The following C2orf68 variants were observed in gnomAD, a reference collection of about 807,000 sequenced individuals.
C2orf68 encodes the protein UPF0561 protein C2orf68.
In C2orf68, 15 loss-of-function variants were observed where a neutral mutation model predicts 19.1. The observed-to-expected ratio is 0.79, with a 90% CI of 0.53 to 1.21. The LOEUF (loss-of-function observed/expected upper bound fraction) is 1.21, where lower values mean the gene tolerates loss of function less well. Among genes scored for constraint, C2orf68 ranks in the 50% most tolerant of loss-of-function variants. The pLI, the probability that C2orf68 is intolerant of heterozygous loss-of-function variation, is 0.00. For missense variants in C2orf68, 242 were observed against 226.6 expected (o/e 1.07, Z -0.44); for synonymous variants, 98 against 91.0 (o/e 1.08, Z -0.44).
intron 1 of C2orf68, 43 bp downstream of exon 1, chr2:85,611,835 A>C (rs1294259657): frequency 1.2e-6 from 2 of 1,603,648 alleles, no homozygotes; most frequent in Non-Finnish European, 1.7e-6. Context: ...GGGCCAGGCC[A>C]GGCCAGGAGT....
At chr2:85,611,375 G>A in intron 2 of C2orf68, 1 of 1,452,048 alleles carries the variant, frequency 6.9e-7, no homozygotes, top group East Asian at 2.5e-5. Flanking sequence ...CTTTCTCTTT[G>A]CTAGGTAGCG....
chr2:85,611,545 G>A lies in C2orf68; in HGVS notation c.226+123C>T, dbSNP rs1183633917. 3 of 1,550,960 alleles carry A rather than the reference G, an allele frequency of 1.9e-6. No homozygotes were observed. The South Asian group carries it at 3.6e-5, about 18-fold the overall frequency. Reference sequence around the variant, plus strand: ...GAGATTTGGGAGCGCTGAGGTGGAGGTTCCGGAAAGAGACGAGATGAGCTG... The same window carrying A: ...GAGATTTGGGAGCGCTGAGGTGGAGATTCCGGAAAGAGACGAGATGAGCTG... On this transcript the variant is annotated intron_variant, in intron 2 of 3. Coordinates refer to ENST00000306336, the MANE Select transcript of C2orf68 (RefSeq NM_001013649.4).
rs1673309662 is a variant in C2orf68, at chr2:85,608,700, TCA to T, written c.*243_*244del. On this transcript the variant is annotated 3_prime_UTR_variant, in exon 4 of 4. Transcript: ENST00000306336. ...AGAACACATTAGCCACACAAAATCC[TCA>T]AAAAAAAAAAAAAAAAAAAAAAAAA... 1 of 185,998 alleles carries T rather than the reference TCA, an allele frequency of 5.4e-6. No homozygotes were observed. The highest frequency in any genetic ancestry group is 1.3e-4 in the African/African-American group (1 of 7,424). The allele number at this position is 185,998 out of a possible 1,614,324, so 11.5% of individuals were successfully genotyped here.
rs1573377540 is a variant in C2orf68 at position 85,611,326 on chromosome 2, T to C, written c.226+342A>G. On this transcript the variant is annotated intron_variant, in intron 2 of 3. Coordinates refer to ENST00000306336, the MANE Select transcript of C2orf68 (RefSeq NM_001013649.4). ...GGGGAAAGGCCATTTACTGGGTTCA[T>C]TCCGCAATTATGTGCTGGTCGCTCA... 1.2e-5 allele frequency: 17 copies of C among 1,428,322 alleles called. No homozygotes were observed. The East Asian group carries it at 4.4e-4, about 37-fold the overall frequency. The allele number at this position is 1,428,322 out of a possible 1,614,324, so 88.5% of individuals were successfully genotyped here.
intron 3 of C2orf68, 53 bp from the exon 4 acceptor site, chr2:85,609,120 G>C (rs1248660617): frequency 1.2e-6 from 2 of 1,601,894 alleles, no homozygotes; most frequent in Admixed American, 3.4e-5. Flanking sequence ...CCAGAAAGGT[G>C]ACCTGCCCTG....
chr2:85,606,366 G>T lies in C2orf68; in HGVS notation c.*2579C>A, dbSNP rs748527734. Among the ~76,000 whole-genome samples, 2 of 152,232 alleles carry T rather than the reference G, an allele frequency of 1.3e-5. No individual in the cohort carries two copies. The highest frequency in any genetic ancestry group is 2.9e-5 in the Non-Finnish European group (2 of 68,042). On this transcript the variant is annotated 3_prime_UTR_variant, in exon 4 of 4. Coordinates refer to ENST00000306336, the MANE Select transcript of C2orf68 (RefSeq NM_001013649.4). The stretch of plus-strand genomic sequence containing the variant: ...TGATGGAAAACACTAATTTTTGAAA[G>T]AAGTAGATGTCTGGAGGCAGGTCTG...
chr2:85,606,845 G>C lies in C2orf68; in HGVS notation c.*2100C>G, dbSNP rs150454010. ...TGCCCAGCCTGAAGTGCAGTGGTGT[G>C]ATCTCGGCTCACTGCAACCTCCGCC... On this transcript the variant is annotated 3_prime_UTR_variant, in exon 4 of 4. Transcript: ENST00000306336. 1 of 145,808 alleles carries C rather than the reference G, an allele frequency of 6.9e-6. No individual in the cohort carries two copies. The highest frequency in any genetic ancestry group is 2.0e-4 in the East Asian group (1 of 4,956). 9.0% of individuals were successfully genotyped at this position (145,808 alleles called of 1,614,324 possible).
In C2orf68 at chr2:85,609,461, C is replaced by G. The variant is rs1673361734; in HGVS notation, c.352G>C (p.Glu118Gln). Residue 118 changes from glutamate (E) to glutamine (Q), a missense_variant, in exon 3 of 4, where the codon GAG becomes CAG. Physicochemically the swap from Glu to Gln is conservative, Grantham distance 29. Coordinates refer to ENST00000306336, the MANE Select transcript of C2orf68 (RefSeq NM_001013649.4). ...FCLEYEADSG[E>Q]VTSVIVYQGD... ...TGATAGACGATAACTGATGTGACCT[C>G]TCCACTGTCTGCCTCGTATTCTAAG... 6.2e-7 allele frequency: 1 copy of G among 1,614,132 alleles called. No homozygotes were observed. Among genetic ancestry groups the G allele is most frequent in the Non-Finnish European group, 8.5e-7 (1 of 1,180,060 alleles).
intron 1 of C2orf68, 24 bp from the exon 2 acceptor site, chr2:85,611,810 AG>A (rs1162134013): frequency 6.2e-7 from 1 of 1,609,264 alleles, no homozygotes; most frequent in Non-Finnish European, 8.5e-7. Context: ...AGCGGGAGTC[AG>A]GGACTGTCGG....
chr2:85,612,066 T>C lies in C2orf68; in HGVS notation c.-82A>G, dbSNP rs976005720. On this transcript the variant is annotated 5_prime_UTR_variant, in exon 1 of 4. Transcript: ENST00000306336. The stretch of plus-strand genomic sequence containing the variant: ...GCCCACAGAGCTCCGCGCCGCCCCT[T>C]GCTCAGCTTCCGGCCCCGCATCCTG... 1 of 1,131,392 alleles carries C rather than the reference T, an allele frequency of 8.8e-7. No individual in the cohort carries two copies. The highest frequency in any genetic ancestry group is 1.6e-5 in the South Asian group (1 of 61,534). 70.1% of individuals were successfully genotyped at this position (1,131,392 alleles called of 1,614,324 possible). A position where few individuals can be genotyped will look rare whatever the true frequency, so the allele number is the denominator to read the frequency against.
chr2:85,609,217 TC>T (rs1673346795), intron 3 of C2orf68, 150 bp from the exon 4 acceptor site: 1 of 1,292,640 alleles, frequency 7.7e-7, no homozygotes, highest in Non-Finnish European at 1.1e-6. Context: ...TAATAGTGAT[TC>T]TCCACTGGGG....
Position 85,609,539 on chromosome 2 carries a change from TTTCACCGGACTC to T in C2orf68, c.262_273del (p.Glu88_Glu91del), listed in dbSNP as rs1298365440. The stretch of plus-strand genomic sequence containing the variant: ...AGCTCAGAGCCTCCACTACTGCTGC[TTTCACCGGACTC>T]TTCATAGTCTGGGTTGCGTGGGTGG... On this transcript the variant is annotated inframe_deletion, in exon 3 of 4. Transcript: ENST00000306336. 3.1e-6 allele frequency: 5 copies of T among 1,614,060 alleles called. No homozygotes were observed. The highest frequency in any genetic ancestry group is 3.4e-6 in the Non-Finnish European group (4 of 1,180,024).
chr2:85,608,843 C>A lies in C2orf68; in HGVS notation c.*102G>T. 1 of 1,517,582 alleles carries A rather than the reference C, an allele frequency of 6.6e-7. No individual in the cohort carries two copies. The highest frequency in any genetic ancestry group is 1.3e-5 in the South Asian group (1 of 79,542). 94.0% of individuals were successfully genotyped at this position (1,517,582 alleles called of 1,614,324 possible). A position where few individuals can be genotyped will look rare whatever the true frequency, so the allele number is the denominator to read the frequency against. On this transcript the variant is annotated 3_prime_UTR_variant, in exon 4 of 4. Transcript: ENST00000306336. ...ATGGATGCAGCAGCTCTGGGGGTCT[C>A]AAGATCAGACAAACTGGTCCTGGTA... is the stretch of plus-strand genomic sequence containing the variant.
rs369719783 is a variant in C2orf68, at chr2:85,611,754, G to A, written c.140C>T (p.Ala47Val). ...DDYDKKVKQAAKEKVRRRHTP... is the reference protein window; with the variant it reads ...DDYDKKVKQAVKEKVRRRHTP... ...GTGCCGCCTCCTCACCTTCTCCTTG[G>A]CCGCCTGCTTCACCTTCTTGTCATA... Residue 47 changes from alanine (A) to valine (V), a missense_variant, in exon 2 of 4, where the codon GCC becomes GTC. Transcript: ENST00000306336. The A allele has an allele frequency of 9.1e-5, 146 of 1,611,810 alleles. No homozygotes were observed. Among genetic ancestry groups the A allele is most frequent in the Non-Finnish European group, 1.2e-4 (136 of 1,179,420 alleles).
rs920700473 is a variant in C2orf68, at chr2:85,611,191, G to A, written c.226+477C>T. On this transcript the variant is annotated intron_variant, in intron 2 of 3. Transcript: ENST00000306336. ...CCATTGCACTCCAGCCTGGGCGACA[G>A]AGACCTAGTCTCAAAAATAAAATAA... The A allele has an allele frequency of 7.3e-6, 8 of 1,100,388 alleles. No individual in the cohort carries two copies. The South Asian group carries it at 1.2e-4, about 17-fold the overall frequency. 68.2% of individuals were successfully genotyped at this position (1,100,388 alleles called of 1,614,324 possible). A position where few individuals can be genotyped will look rare whatever the true frequency, so the allele number is the denominator to read the frequency against.
intron 3 of C2orf68, 26 bp downstream of exon 3, chr2:85,609,409 G>A (rs1370045080): frequency 6.2e-7 from 1 of 1,610,998 alleles, no homozygotes; most frequent in Non-Finnish European, 8.5e-7. Flanking sequence ...GGACCTTCAG[G>A]CTGCAGCTGT....
At position 85,609,019 on chromosome 2, in the gene C2orf68, G is replaced by A; in HGVS notation, c.427C>T (p.Leu143=). 2 of 1,614,248 alleles carry A rather than the reference G, an allele frequency of 1.2e-6. No homozygotes were observed. Among genetic ancestry groups the A allele is most frequent in the Non-Finnish European group, 1.7e-6 (2 of 1,180,044 alleles). The change falls in exon 4 of 4, where the codon CTG becomes TTG. Residue 143 remains leucine, a synonymous_variant. Transcript: ENST00000306336. The stretch of plus-strand genomic sequence containing the variant: ...AGGGCTTCTCGCATGGGTGGATCCA[G>A]AGGCGTGTGTGCCGACACCTTCTCA... The part of the protein sequence containing the change: ...VSEKVSAHTP[L]DPPMREALKL...
At chr2:85,609,342 TG>T in intron 3 of C2orf68, 92 bp downstream of exon 3, 1 of 1,517,876 alleles carries the variant, frequency 6.6e-7, no homozygotes. Context: ...CGCTTCCCAT[TG>T]GGGGTCCTGA....
Position 85,608,817 on chromosome 2 carries a change from T to A in C2orf68, c.*128A>T. 8.2e-7 allele frequency: 1 copy of A among 1,223,574 alleles called. No individual in the cohort carries two copies. The highest frequency in any genetic ancestry group is 1.1e-6 in the Non-Finnish European group (1 of 885,622). The allele number at this position is 1,223,574 out of a possible 1,614,324, so 75.8% of individuals were successfully genotyped here. A position where few individuals can be genotyped will look rare whatever the true frequency, so the allele number is the denominator to read the frequency against. On this transcript the variant is annotated 3_prime_UTR_variant, in exon 4 of 4. Transcript: ENST00000306336. ...GGCCAGGTGTAGTCCTGCAACACCC[T>A]ATGGATGCAGCAGCTCTGGGGGTCT... is the stretch of plus-strand genomic sequence containing the variant.
Sources: gnomAD v4.1 joint callset for allele counts (sites outside exome capture counted in the v4.1 genomes callset) on GRCh38, gnomAD v4.1.1 for gene constraint, MANE v1.5 for transcripts, NCBI Gene and HGNC (gene_info 2026-07-23, HGNC 2026-07-21) for gene names.